Variants in ADCY2 observed in about 807,000 individuals in gnomAD.
ADCY2 encodes the protein adenylate cyclase 2, also known as adenylate cyclase type 2.
ADCY2 carries 31 observed loss-of-function variants against 125.2 expected under a neutral mutation model. The ratio of observed to expected loss-of-function variants is 0.25; its 90% CI spans 0.19 to 0.33. ADCY2 has a LOEUF of 0.33. ADCY2 is among the 10% of genes least tolerant of loss of function. The probability of loss-of-function intolerance (pLI) is 1.00; values close to 1 mark genes in which losing one functional copy is unlikely to be tolerated. For missense variants in ADCY2, 904 were observed against 1,418.2 expected, an observed-to-expected ratio of 0.64 and a Z score of 5.82; for synonymous variants, 512 against 548.4, an observed-to-expected ratio of 0.93 and a Z score of 0.93.
chr5:7,589,524 G>GAAAGAAAGAAAAGAA (rs1554022167), intron 3 of ADCY2, among the ~76,000 whole-genome samples: 1 of 67,950 alleles, frequency 1.5e-5, no homozygotes, highest in Non-Finnish European at 3.4e-5. Context: ...AGAAAAGAAA[G>GAAAGAAAGAAAAGAA]AGAAAGAAAG....
At chr5:7,560,044 C>T (rs1038902197) in intron 3 of ADCY2, among the ~76,000 whole-genome samples, 2 of 152,180 alleles carry the variant, frequency 1.3e-5, no homozygotes, top group African/African-American at 2.4e-5. Flanking sequence ...TATTCAAAGA[C>T]AAGAGCATTA....
intron 6 of ADCY2, 144 bp from the exon 7 acceptor site, chr5:7,698,103 A>C: frequency 1.1e-6 from 1 of 931,358 alleles, no homozygotes; most frequent in Non-Finnish European, 1.6e-6. Flanking sequence ...TTGAGTAATG[A>C]AGGGAAGCCC....
At chr5:7,583,211 A>T (rs1190596138) in intron 3 of ADCY2, among the ~76,000 whole-genome samples, 1 of 152,046 alleles carries the variant, frequency 6.6e-6, no homozygotes, top group Non-Finnish European at 1.5e-5. Flanking sequence ...TTGACAGAAC[A>T]GTATACTTTA....
At chr5:7,687,074 A>G (rs1579316056) in intron 4 of ADCY2, among the ~76,000 whole-genome samples, 2 of 152,298 alleles carry the variant, frequency 1.3e-5, no homozygotes, top group South Asian at 4.1e-4. Context: ...GCAGTTACCA[A>G]CGTCTTCATT....
intron 22 of ADCY2, among the ~76,000 whole-genome samples, chr5:7,811,600 T>C (rs1437405059): frequency 6.6e-6 from 1 of 152,164 alleles, no homozygotes; most frequent in Non-Finnish European, 1.5e-5. Context: ...AATAAATATA[T>C]AATTTTAGTT....
At chr5:7,475,712 C>T (rs932191281) in intron 2 of ADCY2, among the ~76,000 whole-genome samples, 1 of 152,134 alleles carries the variant, frequency 6.6e-6, no homozygotes, top group African/African-American at 2.4e-5. Flanking sequence ...ACAAGCGTGA[C>T]TTGTTGAGTG....
At chr5:7,447,322 G>C (rs1741301304) in intron 2 of ADCY2, among the ~76,000 whole-genome samples, 1 of 152,204 alleles carries the variant, frequency 6.6e-6, no homozygotes, top group Non-Finnish European at 1.5e-5. Flanking sequence ...GACCCTGCCT[G>C]GCCACGGCTA....
At chr5:7,780,146 G>C (rs1198945069) in intron 18 of ADCY2, among the ~76,000 whole-genome samples, 1 of 152,184 alleles carries the variant, frequency 6.6e-6, no homozygotes, top group Non-Finnish European at 1.5e-5. Context: ...GTCAGAGTTA[G>C]ATGAAGATTT....
At chr5:7,784,620 G>T (rs933513664) in intron 19 of ADCY2, among the ~76,000 whole-genome samples, 171 bp downstream of exon 19, 1 of 152,110 alleles carries the variant, frequency 6.6e-6, no homozygotes, top group Admixed American at 6.6e-5. Flanking sequence ...CTTCGATATA[G>T]ACAAAAGGAA....
At chr5:7,758,680 C>A (rs1022551799) in intron 16 of ADCY2, among the ~76,000 whole-genome samples, 2 of 151,978 alleles carry the variant, frequency 1.3e-5, no homozygotes, top group African/African-American at 2.4e-5. Context: ...ATCATCAAGT[C>A]ATTCTGAAAT....
intron 2 of ADCY2, among the ~76,000 whole-genome samples, chr5:7,449,157 G>T (rs1741384508): frequency 6.6e-6 from 1 of 152,072 alleles, no homozygotes; most frequent in African/African-American, 2.4e-5. Context: ...TTGACTTTCT[G>T]ATAATCGCCA....
intron 2 of ADCY2, among the ~76,000 whole-genome samples, chr5:7,482,791 T>TATATATATAC (rs1443104319): frequency 7.4e-4 from 104 of 139,822 alleles, no homozygotes; most frequent in Non-Finnish European, 1.2e-3. Context: ...TATATATATA[T>TATATATATAC]ACACACACAC....
At chr5:7,549,406 T>C (rs1409106597) in intron 3 of ADCY2, among the ~76,000 whole-genome samples, 1 of 152,222 alleles carries the variant, frequency 6.6e-6, no homozygotes, top group African/African-American at 2.4e-5. Context: ...CTGGTCACTT[T>C]CACTGATCAT....
chr5:7,652,082 G>A (rs180798504), intron 4 of ADCY2, among the ~76,000 whole-genome samples: 14 of 152,268 alleles, frequency 9.2e-5, no homozygotes, highest in East Asian at 3.9e-4. Flanking sequence ...GATTACAGGC[G>A]TGAGCCCCCG....
intron 1 of ADCY2, among the ~76,000 whole-genome samples, chr5:7,402,641 C>T (rs568232558): frequency 2.0e-5 from 3 of 152,126 alleles, no homozygotes; most frequent in South Asian, 2.1e-4. Flanking sequence ...GACCATGGCT[C>T]ATAGAGATGT....
intron 12 of ADCY2, among the ~76,000 whole-genome samples, chr5:7,719,188 C>T (rs1741686242): frequency 6.6e-6 from 1 of 151,964 alleles, no homozygotes; most frequent in Non-Finnish European, 1.5e-5. Context: ...TATGTGTTTG[C>T]TTTGTGTCAT....
chr5:7,550,672 T>C (rs1439425779), intron 3 of ADCY2, among the ~76,000 whole-genome samples: 1 of 152,142 alleles, frequency 6.6e-6, no homozygotes, highest in East Asian at 1.9e-4. Flanking sequence ...TCTCCCTGCC[T>C]CTGGGCCCAG....
intron 4 of ADCY2, among the ~76,000 whole-genome samples, chr5:7,655,120 A>G (rs1219136915): frequency 1.3e-5 from 2 of 152,168 alleles, no homozygotes; most frequent in African/African-American, 4.8e-5. Flanking sequence ...GGCGTTTCCC[A>G]TGACTGAGGG....
At chr5:7,814,344 C>T (rs1335779172) in intron 22 of ADCY2, among the ~76,000 whole-genome samples, 1 of 152,010 alleles carries the variant, frequency 6.6e-6, no homozygotes, top group Admixed American at 6.5e-5. Context: ...CTCCTCCCCC[C>T]GCCCCCCGGA....
Sources: gnomAD v4.1 joint callset for allele counts (sites outside exome capture counted in the v4.1 genomes callset) on GRCh38, gnomAD v4.1.1 for gene constraint, MANE v1.5 for transcripts, NCBI Gene and HGNC (gene_info 2026-07-23, HGNC 2026-07-21) for gene names.